The following RAB44 variants were observed in gnomAD, a reference collection of about 807,000 sequenced individuals.
RAB44 encodes the protein RAB44, member RAS oncogene family, also known as ras-related protein Rab-44.
Under a neutral mutation model 93.3 loss-of-function variants are expected in RAB44, and 67 were observed. That is an observed-to-expected ratio of 0.72 (90% CI 0.59 to 0.88). RAB44 has a LOEUF of 0.88. Ranked by LOEUF, RAB44 falls within the 40% of genes least tolerant of loss-of-function variation. The pLI is 0.00. For synonymous variants in RAB44, 427 were observed against 520.3 expected (o/e 0.82, Z 2.44); for missense variants, 1,064 against 1,261.7 (o/e 0.84, Z 2.37).
chr6:36,726,479 G>A (rs941296258), intron 10 of RAB44, among the ~76,000 whole-genome samples: 11 of 152,160 alleles, frequency 7.2e-5, no homozygotes, highest in South Asian at 2.1e-4. Context: ...TCCTGACCTC[G>A]TGATCTACCT....
In RAB44 at chr6:36,733,023, T is replaced by C. The variant is rs1389862015; in HGVS notation, c.*930T>C. ...GGAAGTTTCCAGAATTCCATAATAT[T>C]CACCTCCTGAATGGTGGCTGCCCCT... is the stretch of plus-strand genomic sequence containing the variant. On this transcript the variant is annotated 3_prime_UTR_variant, in exon 14 of 14. Transcript: ENST00000612677. 6.6e-6 allele frequency: 1 copy of C among 152,220 alleles called. No individual in the cohort carries two copies. Among genetic ancestry groups the C allele is most frequent in the Admixed American group, 6.5e-5 (1 of 15,286 alleles). The allele number at this position is 152,220 out of a possible 1,614,324, so 9.4% of individuals were successfully genotyped here. A position where few individuals can be genotyped will look rare whatever the true frequency, so the allele number is the denominator to read the frequency against.
intron 2 of RAB44, among the ~76,000 whole-genome samples, chr6:36,706,538 A>T (rs1318406455): frequency 6.6e-6 from 1 of 152,230 alleles, no homozygotes; most frequent in Non-Finnish European, 1.5e-5. Flanking sequence ...AAGTAGCTCC[A>T]TGAGCATTCC....
chr6:36,704,895 G>A (rs191446087), intron 2 of RAB44, among the ~76,000 whole-genome samples: 5 of 152,162 alleles, frequency 3.3e-5, no homozygotes, highest in African/African-American at 4.8e-5. Context: ...CGAGGCGGGC[G>A]GATCACTTGA....
At chr6:36,723,695 C>T in intron 9 of RAB44, among the ~76,000 whole-genome samples, 1 of 151,862 alleles carries the variant, frequency 6.6e-6, no homozygotes, top group East Asian at 1.9e-4. Flanking sequence ...ATTAGCCGGG[C>T]ATGGTGGCGG....
chr6:36,732,094 T>C lies in RAB44; in HGVS notation c.*1T>C, dbSNP rs1763376321. 1 of 1,234,164 alleles carries C rather than the reference T, an allele frequency of 8.1e-7. No homozygotes were observed. Among genetic ancestry groups the C allele is most frequent in the South Asian group, 4.1e-5 (1 of 24,412 alleles). 76.5% of individuals were successfully genotyped at this position (1,234,164 alleles called of 1,614,324 possible). ...CAAGAGATTCGGCTGTTGCTCCTGA[T>C]CACCTGTCCTGTCCTGGGTAGGATG... On this transcript the variant is annotated 3_prime_UTR_variant, in exon 14 of 14. Coordinates refer to ENST00000612677, the MANE Select transcript of RAB44 (RefSeq NM_001257357.2).
At chr6:36,714,010 T>C in intron 3 of RAB44, 71 bp downstream of exon 3, 1 of 1,013,924 alleles carries the variant, frequency 9.9e-7, no homozygotes, top group Middle Eastern at 2.0e-4. Context: ...GGGGCTAGGC[T>C]GGGTCGTTAG....
intron 9 of RAB44, among the ~76,000 whole-genome samples, chr6:36,724,652 TCAACCAACCAACCAACCAAC>T (rs76700851): frequency 2.0e-5 from 3 of 148,806 alleles, no homozygotes; most frequent in Non-Finnish European, 4.5e-5. Context: ...AACCAACCAA[TCAACCAACCAACCAACCAAC>T]CAACCAACCA....
chr6:36,718,859 G>T (rs1762994223), intron 7 of RAB44, among the ~76,000 whole-genome samples: 1 of 151,954 alleles, frequency 6.6e-6, no homozygotes, highest in African/African-American at 2.4e-5. Flanking sequence ...ATAGCCTGTA[G>T]TCACTTCCAG....
rs989360279 is a variant in RAB44, at chr6:36,715,475, A to T, written c.320-4A>T. ...GCTCCCCTCTGTCCACTTCTGTCCCACAGAAAACATCTTTGGCTCCAGCCA... is the reference window on the plus strand; with the variant it reads ...GCTCCCCTCTGTCCACTTCTGTCCCTCAGAAAACATCTTTGGCTCCAGCCA... On this transcript the variant is annotated splice_polypyrimidine_tract_variant and splice_region_variant and intron_variant, in intron 3 of 13. Coordinates refer to ENST00000612677, the MANE Select transcript of RAB44 (RefSeq NM_001257357.2). 6.5e-7 allele frequency: 1 copy of T among 1,535,942 alleles called. No individual in the cohort carries two copies. The highest frequency in any genetic ancestry group is 1.4e-5 in the African/African-American group (1 of 73,054).
rs1763340418 is a variant in RAB44, at chr6:36,730,676, C to G, written c.2902C>G (p.Leu968Val). ...VEAGQQLAQE[L>V]GVYFGECSAA... ...TCCCTCCCTGTCTGGCCTGCAGGAACTGGGGGTCTATTTTGGGGAGTGCAG... is the reference window on the plus strand; with the variant it reads ...TCCCTCCCTGTCTGGCCTGCAGGAAGTGGGGGTCTATTTTGGGGAGTGCAG... The change falls in exon 13 of 14, where the codon CTG (leucine) becomes GTG (valine). Residue 968 changes from leucine (L) to valine (V), a missense_variant. By Grantham distance (32) the Leu-to-Val change is conservative. Transcript: ENST00000612677. 8.1e-6 allele frequency: 10 copies of G among 1,234,250 alleles called. No individual in the cohort carries two copies. Among genetic ancestry groups the G allele is most frequent in the Non-Finnish European group, 1.0e-5 (10 of 988,126 alleles). The allele number at this position is 1,234,250 out of a possible 1,614,324, so 76.5% of individuals were successfully genotyped here. A position where few individuals can be genotyped will look rare whatever the true frequency, so the allele number is the denominator to read the frequency against.
chr6:36,721,641 C>G lies in RAB44; in HGVS notation c.1507C>G (p.Pro503Ala). ...AGTGCTCATTCCTTTGGAGGATGGG[C>G]CCCCTCCCCCTGCGAACTCTCCCCC... ...FKVLIPLEDGPPPPANSPPPQ... is the reference protein window; with the variant it reads ...FKVLIPLEDGAPPPANSPPPQ... The change falls in exon 9 of 14, where the codon CCC (proline) becomes GCC (alanine). Residue 503 changes from proline (P) to alanine (A), a missense_variant. Physicochemically the swap from Pro to Ala is conservative, Grantham distance 27. Coordinates refer to ENST00000612677, the MANE Select transcript of RAB44 (RefSeq NM_001257357.2). The G allele has an allele frequency of 1.6e-6, 2 of 1,234,524 alleles. No individual in the cohort carries two copies. Among genetic ancestry groups the G allele is most frequent in the Non-Finnish European group, 2.0e-6 (2 of 988,374 alleles). 76.5% of individuals were successfully genotyped at this position (1,234,524 alleles called of 1,614,324 possible).
chr6:36,714,407 C>A (rs1370801225), intron 3 of RAB44, among the ~76,000 whole-genome samples: 2 of 152,172 alleles, frequency 1.3e-5, no homozygotes, highest in East Asian at 3.9e-4. Context: ...CCCGCTAATC[C>A]TCTCCCTGGG....
chr6:36,704,093 C>T (rs1762579134), intron 1 of RAB44, 131 bp from the exon 2 acceptor site: 2 of 790,440 alleles, frequency 2.5e-6, no homozygotes, highest in Non-Finnish European at 4.0e-6. Context: ...CCCGGCGGGA[C>T]ACCATCAGGC....
intron 9 of RAB44, among the ~76,000 whole-genome samples, chr6:36,722,984 TG>T (rs1263979827): frequency 6.6e-6 from 1 of 152,272 alleles, no homozygotes; most frequent in African/African-American, 2.4e-5. Context: ...CAATGCACCC[TG>T]CAATTTAGGT....
At chr6:36,723,980 C>A (rs1276177526) in intron 9 of RAB44, among the ~76,000 whole-genome samples, 1 of 151,872 alleles carries the variant, frequency 6.6e-6, no homozygotes, top group South Asian at 2.1e-4. Flanking sequence ...GACAGCCCCC[C>A]ACAAGAGAGG....
Position 36,721,358 on chromosome 6 carries a change from G to T in RAB44, c.1224G>T (p.Arg408Ser), listed in dbSNP as rs1056218019. The part of the protein sequence containing the change: ...TSGPQTPRVV[R>S]QISISEPQAF... ...GCCCCCAGACACCCCGTGTGGTCAG[G>T]CAGATCTCCATCTCGGAGCCACAGG... The change falls in exon 9 of 14, where the codon AGG becomes AGT. Residue 408 changes from arginine to serine, a missense_variant. By Grantham distance (110) the Arg-to-Ser change is moderately radical. Coordinates refer to ENST00000612677, the MANE Select transcript of RAB44 (RefSeq NM_001257357.2). 8.1e-6 allele frequency: 10 copies of T among 1,234,052 alleles called. No homozygotes were observed. Among genetic ancestry groups the T allele is most frequent in the Non-Finnish European group, 1.0e-5 (10 of 988,136 alleles). 76.4% of individuals were successfully genotyped at this position (1,234,052 alleles called of 1,614,324 possible). A position where few individuals can be genotyped will look rare whatever the true frequency, so the allele number is the denominator to read the frequency against.
chr6:36,703,650 A>G (rs2150324009), intron 1 of RAB44, among the ~76,000 whole-genome samples: 1 of 152,142 alleles, frequency 6.6e-6, no homozygotes, highest in African/African-American at 2.4e-5. Flanking sequence ...GGTGCTACTG[A>G]TTCCATGCTG....
intron 6 of RAB44, 55 bp from the exon 7 acceptor site, chr6:36,718,438 G>T: frequency 1.0e-6 from 1 of 981,938 alleles, no homozygotes. Flanking sequence ...GGGCTGGCCT[G>T]CCTGGCTAGC....
At chr6:36,704,199 G>C in intron 1 of RAB44, 25 bp from the exon 2 acceptor site, 1 of 1,515,864 alleles carries the variant, frequency 6.6e-7, no homozygotes. Flanking sequence ...CAGCAGCCCG[G>C]TGCCCCTCAC....
Sources: gnomAD v4.1 joint callset for allele counts (sites outside exome capture counted in the v4.1 genomes callset) on GRCh38, gnomAD v4.1.1 for gene constraint, MANE v1.5 for transcripts, NCBI Gene and HGNC (gene_info 2026-07-23, HGNC 2026-07-21) for gene names.